Variants in DNAH1 observed in about 807,000 individuals in gnomAD.
DNAH1 encodes the protein axonemal beta dynein heavy chain 1.
DNAH1 carries 327 observed loss-of-function variants against 484.3 expected under a neutral mutation model. The observed-to-expected ratio is 0.68, with a 90% CI of 0.62 to 0.74. The LOEUF (loss-of-function observed/expected upper bound fraction) is 0.74. Among genes scored for constraint, DNAH1 ranks in the 30% least tolerant of loss-of-function variants. DNAH1 has a pLI of 0.00. For synonymous variants in DNAH1, 2,192 were observed against 2,191.9 expected, an observed-to-expected ratio of 1.00 and a Z score of 0.00; for missense variants, 5,052 against 5,546.8, an observed-to-expected ratio of 0.91 and a Z score of 2.83.
intron 46 of DNAH1, among the ~76,000 whole-genome samples, chr3:52,378,260 A>G (rs1036736228): frequency 6.6e-6 from 1 of 151,784 alleles, no homozygotes; most frequent in Non-Finnish European, 1.5e-5. Context: ...TGTGGCTCAG[A>G]GGTGGAATGT....
chr3:52,347,589 G>A (rs943158933), intron 11 of DNAH1, among the ~76,000 whole-genome samples: 4 of 152,188 alleles, frequency 2.6e-5, no homozygotes, highest in African/African-American at 7.2e-5. Context: ...GGGGTGGGGG[G>A]CCTCCCTCTC....
intron 20 of DNAH1, among the ~76,000 whole-genome samples, chr3:52,354,619 C>T (rs1015225848): frequency 1.7e-4 from 25 of 146,668 alleles, no homozygotes; most frequent in African/African-American, 5.9e-4. Flanking sequence ...GGCTACAGAG[C>T]GAGACTCCAC....
In DNAH1 at chr3:52,394,468, G is replaced by C; in HGVS notation, c.10630G>C (p.Glu3544Gln). 1 of 1,613,972 alleles carries C rather than the reference G, an allele frequency of 6.2e-7. No homozygotes were observed. Among genetic ancestry groups the C allele is most frequent in the Non-Finnish European group, 8.5e-7 (1 of 1,179,872 alleles). Reference sequence around the variant, plus strand: ...GCCTCCTCCTGTCCCCTGCCAGAGTGAGTGGCGATACCTCCTGTCTGGGGG... The same window carrying C: ...GCCTCCTCCTGTCCCCTGCCAGAGTCAGTGGCGATACCTCCTGTCTGGGGG... ...MMNEGKINQS[E>Q]WRYLLSGGSI... Residue 3544 changes from glutamate to glutamine, a missense_variant, in exon 67 of 78, where the codon GAG becomes CAG. This residue lies in a region of DNAH1 where 2,929 missense variants were observed against 3,409.4 expected (regional missense o/e 0.86). Transcript: ENST00000420323.
At chr3:52,363,170 C>T in intron 32 of DNAH1, 26 bp downstream of exon 32, 1 of 1,608,864 alleles carries the variant, frequency 6.2e-7, no homozygotes, top group East Asian at 2.2e-5. Flanking sequence ...GATGGGTTTC[C>T]AGGGTCTGAA....
intron 16 of DNAH1, among the ~76,000 whole-genome samples, chr3:52,351,513 C>T (rs1702378361): frequency 6.6e-6 from 1 of 152,150 alleles, no homozygotes; most frequent in Non-Finnish European, 1.5e-5. Flanking sequence ...GCCCCACATC[C>T]CACAGACCCC....
chr3:52,314,486 C>CCACTATCT (rs1700887337), upstream of DNAH1, among the ~76,000 whole-genome samples: 1 of 152,200 alleles, frequency 6.6e-6, no homozygotes, highest in Non-Finnish European at 1.5e-5. Flanking sequence ...GTGTCAACAG[C>CCACTATCT]CACTATCTTT....
In DNAH1 at chr3:52,362,411, T is replaced by A; in HGVS notation, c.5004T>A (p.Gly1668=). 1 of 1,613,842 alleles carries A rather than the reference T, an allele frequency of 6.2e-7. No individual in the cohort carries two copies. The highest frequency in any genetic ancestry group is 8.5e-7 in the Non-Finnish European group (1 of 1,179,846). The change falls in exon 31 of 78, where the codon GGT becomes GGA. Residue 1668 remains glycine, a synonymous_variant. Transcript: ENST00000420323. The surrounding 1 kb of genome is among the most constrained non-coding windows in gnomAD (Gnocchi z 5.1). The stretch of plus-strand genomic sequence containing the variant: ...AGGTGGAACGCTTCATGTTTGAGGG[T>A]GTGGAGATCCCACTGGTGCCATCCT... ...QQRVERFMFE[G]VEIPLVPSCA... is the part of the protein sequence containing the mutation.
intron 1 of DNAH1, among the ~76,000 whole-genome samples, chr3:52,318,735 G>A (rs1431306819): frequency 6.6e-6 from 1 of 152,168 alleles, no homozygotes; most frequent in Non-Finnish European, 1.5e-5. Flanking sequence ...GTGGAGGGCA[G>A]TTTGCATCGG....
chr3:52,332,903 G>A (rs1701607296), intron 8 of DNAH1, among the ~76,000 whole-genome samples: 1 of 152,178 alleles, frequency 6.6e-6, no homozygotes, highest in Non-Finnish European at 1.5e-5. Flanking sequence ...TTTTGAGACA[G>A]GTTCTTACTC....
In DNAH1 at chr3:52,372,399, C is replaced by G. The variant is rs751491224; in HGVS notation, c.6827+12C>G. 1.2e-6 allele frequency: 2 copies of G among 1,612,592 alleles called. No homozygotes were observed. Among genetic ancestry groups the G allele is most frequent in the Admixed American group, 1.7e-5 (1 of 60,022 alleles). ...AAGCTGGACAAGAGGCAGGGCACCC[C>G]TCCCTCCTTCCTCACCCCTGCATCC... On this transcript the variant is annotated intron_variant, in intron 43 of 77. Transcript: ENST00000420323.
At chr3:52,386,441 C>A in intron 55 of DNAH1, 96 bp downstream of exon 55, 1 of 1,432,830 alleles carries the variant, frequency 7.0e-7, no homozygotes, top group Admixed American at 2.5e-5. Context: ...GCCTGCCCCA[C>A]CCTCCTCATT....
Position 52,391,233 on chromosome 3 carries a change from A to T in DNAH1, c.9796A>T (p.Ser3266Cys). 8.1e-6 allele frequency: 13 copies of T among 1,613,884 alleles called. No homozygotes were observed. The highest frequency in any genetic ancestry group is 1.1e-5 in the Non-Finnish European group (13 of 1,179,862). The change falls in exon 62 of 78, where the codon AGC (serine) becomes TGC (cysteine). Residue 3266 changes from serine to cysteine, a missense_variant. Transcript: ENST00000420323. ...FKLSDRDFLRSMENAIRFGKP... is the reference protein window; with the variant it reads ...FKLSDRDFLRCMENAIRFGKP... ...GTTGAGTGACCGCGACTTCCTGCGCAGCATGGAGAACGCCATCCGCTTTGG... is the reference window on the plus strand; with the variant it reads ...GTTGAGTGACCGCGACTTCCTGCGCTGCATGGAGAACGCCATCCGCTTTGG...
Position 52,362,022 on chromosome 3 carries a change from G to C in DNAH1, c.4980+256G>C, listed in dbSNP as rs1018998042. ...TTGGTCCTTTCTCTAGCCACGTGCA[G>C]GGCGGCCAGGGACCTTGTTCTGGGG... On this transcript the variant is annotated intron_variant, in intron 30 of 77. Transcript: ENST00000420323. The surrounding 1 kb of genome is among the most constrained non-coding windows in gnomAD (Gnocchi z 5.1). 6.6e-6 allele frequency among the ~76,000 whole-genome samples: 1 copy of C among 152,228 alleles called. No homozygotes were observed. Among genetic ancestry groups the C allele is most frequent in the Non-Finnish European group, 1.5e-5 (1 of 68,042 alleles).
rs1444775564 is a variant in DNAH1, at chr3:52,399,024, A to T, written c.12264A>T (p.Ser4088=). The T allele has an allele frequency of 6.2e-7, 1 of 1,613,898 alleles. No individual in the cohort carries two copies. The highest frequency in any genetic ancestry group is 1.3e-5 in the African/African-American group (1 of 74,930). Residue 4088 remains serine, a synonymous_variant, in exon 76 of 78, where the codon TCA becomes TCT. Transcript: ENST00000420323. The part of the protein sequence containing the change: ...KAYPSLKPLS[S]WVMDLLQRLD... ...ACCCATCGCTCAAGCCTCTGTCATCATGGGTCATGGACCTGCTGCAACGCC... is the reference window on the plus strand; with the variant it reads ...ACCCATCGCTCAAGCCTCTGTCATCTTGGGTCATGGACCTGCTGCAACGCC...
chr3:52,362,967 C>T lies in DNAH1; in HGVS notation c.5095-28C>T. Reference sequence around the variant, plus strand: ...GTGCTCTGGGGGTGAGCTCTGTTTGCTGTTCACATGTGCACTGTGTGTCCC... The same window carrying T: ...GTGCTCTGGGGGTGAGCTCTGTTTGTTGTTCACATGTGCACTGTGTGTCCC... On this transcript the variant is annotated intron_variant, in intron 31 of 77. Coordinates refer to ENST00000420323, the MANE Select transcript of DNAH1 (RefSeq NM_015512.5). The surrounding 1 kb of genome is among the most constrained non-coding windows in gnomAD (Gnocchi z 5.1). 2 of 1,613,074 alleles carry T rather than the reference C, an allele frequency of 1.2e-6. No individual in the cohort carries two copies. Among genetic ancestry groups the T allele is most frequent in the Non-Finnish European group, 1.7e-6 (2 of 1,179,422 alleles).
intron 46 of DNAH1, among the ~76,000 whole-genome samples, chr3:52,376,593 C>T (rs1358808862): frequency 6.6e-6 from 1 of 152,124 alleles, no homozygotes; most frequent in African/African-American, 2.4e-5. Context: ...GGGAATGTGG[C>T]ACCCCTCTTC....
chr3:52,364,620 C>T lies in DNAH1; in HGVS notation c.5245-18C>T. 6.2e-7 allele frequency: 1 copy of T among 1,613,820 alleles called. No homozygotes were observed. Among genetic ancestry groups the T allele is most frequent in the Non-Finnish European group, 8.5e-7 (1 of 1,179,804 alleles). On this transcript the variant is annotated intron_variant, in intron 32 of 77. Transcript: ENST00000420323. This position sits in a 1 kb window ranked among gnomAD's most constrained non-coding sequence, Gnocchi z 4.2. The stretch of plus-strand genomic sequence containing the variant: ...AGAGGGACAGTGCTCACCCATGCCT[C>T]CTTCTGTATGGCGACAGGATCACTA...
intron 16 of DNAH1, among the ~76,000 whole-genome samples, chr3:52,351,241 G>T (rs958193869): frequency 6.6e-6 from 1 of 152,248 alleles, no homozygotes; most frequent in Non-Finnish European, 1.5e-5. Flanking sequence ...GCAAAGCTCA[G>T]CCTGGTGGGC....
Position 52,395,704 on chromosome 3 carries a change from C to G in DNAH1, c.11259+26C>G. On this transcript the variant is annotated intron_variant, in intron 70 of 77. Transcript: ENST00000420323. This position sits in a 1 kb window ranked among gnomAD's most constrained non-coding sequence, Gnocchi z 4.4. ...GTGTGTTGCCCTGCCCATCACAGAC[C>G]CAGTGGGGCCGCCTCTGCATCCATC... 1 of 1,605,698 alleles carries G rather than the reference C, an allele frequency of 6.2e-7. No individual in the cohort carries two copies. The highest frequency in any genetic ancestry group is 1.1e-5 in the South Asian group (1 of 90,208).
Sources: gnomAD v4.1 joint callset for allele counts (sites outside exome capture counted in the v4.1 genomes callset) on GRCh38, gnomAD v4.1.1 for gene constraint, gnomAD v4.1.1 regional missense constraint, Gnocchi (gnomAD v3.1) non-coding constraint, MANE v1.5 for transcripts, NCBI Gene and HGNC (gene_info 2026-07-23, HGNC 2026-07-21) for gene names.